The following SYNGR1 variants were observed in gnomAD, a reference collection of about 807,000 sequenced individuals.
The protein encoded by SYNGR1 is synaptogyrin 1, also known as synaptogyrin-1.
In SYNGR1, 14 loss-of-function variants were observed where a neutral mutation model predicts 26.1. That is an observed-to-expected ratio of 0.54 (90% confidence interval 0.35 to 0.84). SYNGR1 has a LOEUF of 0.84. Among genes scored for constraint, SYNGR1 ranks in the 40% least tolerant of loss-of-function variants. The probability of loss-of-function intolerance (pLI) is 0.01; values close to 1 mark genes in which losing one functional copy is unlikely to be tolerated. For synonymous variants in SYNGR1, 141 were observed against 150.1 expected (o/e 0.94, Z 0.44); for missense variants, 319 against 332.9 (o/e 0.96, Z 0.33).
chr22:39,368,829 A>T (rs1278798105), intron 1 of SYNGR1, among the ~76,000 whole-genome samples: 1 of 152,198 alleles, frequency 6.6e-6, no homozygotes, highest in South Asian at 2.1e-4. Context: ...TGTGTCTGTT[A>T]GTAAGTGTTC....
rs181114283 is a variant in SYNGR1, at chr22:39,376,752, G to A, written c.483+555G>A. ...CGTGAGCAGGCCGGGTGACACATGC[G>A]TGCCTATCCTAAGTCCTAAGAGGGT... On this transcript the variant is annotated intron_variant, in intron 3 of 3. Transcript: ENST00000328933. 4.0e-3 allele frequency among the ~76,000 whole-genome samples: 601 copies of A among 151,292 alleles called. 5 individuals carry two copies. Among genetic ancestry groups the A allele is most frequent in the African/African-American group, 0.014 (570 of 40,524 alleles).
rs1233839822 is a variant in SYNGR1, at chr22:39,382,294, C to T, written c.*380C>T. On this transcript the variant is annotated 3_prime_UTR_variant, in exon 4 of 4. Coordinates refer to ENST00000328933, the MANE Select transcript of SYNGR1 (RefSeq NM_004711.5). Reference sequence around the variant, plus strand: ...GCTGTGGAGGAAGCCCTGGTGGTACCAGAGGCCAGAATGGTGGGAAAGACA... The same window carrying T: ...GCTGTGGAGGAAGCCCTGGTGGTACTAGAGGCCAGAATGGTGGGAAAGACA... 1 of 348,812 alleles carries T rather than the reference C, an allele frequency of 2.9e-6. No individual in the cohort carries two copies. Among genetic ancestry groups the T allele is most frequent in the African/African-American group, 2.1e-5 (1 of 47,954 alleles). The allele number at this position is 348,812 out of a possible 1,614,324, so 21.6% of individuals were successfully genotyped here.
intron 1 of SYNGR1, among the ~76,000 whole-genome samples, chr22:39,371,892 T>C (rs1925038849): frequency 6.6e-6 from 1 of 152,200 alleles, no homozygotes; most frequent in South Asian, 2.1e-4. Context: ...CTTAACTGTC[T>C]TATCTGCAAA....
intron 1 of SYNGR1, among the ~76,000 whole-genome samples, chr22:39,358,495 C>T (rs1924288963): frequency 2.0e-5 from 3 of 152,190 alleles, no homozygotes; most frequent in Admixed American, 2.0e-4. Context: ...TAACACTCAC[C>T]GCGAAGGTCT....
intron 3 of SYNGR1, chr22:39,380,150 A>G (rs1230160666): frequency 7.3e-6 from 1 of 137,828 alleles, no homozygotes; most frequent in Non-Finnish European, 1.5e-5. Flanking sequence ...GTCTTTCCCA[A>G]TCTGAGATCT....
intron 3 of SYNGR1, among the ~76,000 whole-genome samples, chr22:39,376,787 C>T (rs5995721): frequency 0.044 from 6,682 of 152,298 alleles, 492 homozygotes; most frequent in African/African-American, 0.15. Flanking sequence ...TACCTCTGCT[C>T]GGCTGCCAAG....
chr22:39,371,212 G>A (rs998155278), intron 1 of SYNGR1, among the ~76,000 whole-genome samples: 1 of 151,722 alleles, frequency 6.6e-6, no homozygotes, highest in African/African-American at 2.4e-5. Flanking sequence ...CGTGGTGGCT[G>A]ACTCCTATAA....
Position 39,383,703 on chromosome 22 carries a change from T to C in SYNGR1, c.*1789T>C, listed in dbSNP as rs1440233446. 1.3e-5 allele frequency: 2 copies of C among 152,348 alleles called. No individual in the cohort carries two copies. The highest frequency in any genetic ancestry group is 2.9e-5 in the Non-Finnish European group (2 of 68,100). The allele number at this position is 152,348 out of a possible 1,614,324, so 9.4% of individuals were successfully genotyped here. On this transcript the variant is annotated 3_prime_UTR_variant, in exon 4 of 4. Transcript: ENST00000328933. ...CTCAGCAGTTACCCGGCCCCTGTGCTGGAGATACCAAGGGCATGGGTGGTC... is the reference window on the plus strand; with the variant it reads ...CTCAGCAGTTACCCGGCCCCTGTGCCGGAGATACCAAGGGCATGGGTGGTC...
In SYNGR1 at chr22:39,385,117, C is replaced by T. The variant is rs1925618931; in HGVS notation, c.*3203C>T. 1 of 397,778 alleles carries T rather than the reference C, an allele frequency of 2.5e-6. No individual in the cohort carries two copies. Among genetic ancestry groups the T allele is most frequent in the African/African-American group, 2.1e-5 (1 of 48,604 alleles). 24.6% of individuals were successfully genotyped at this position (397,778 alleles called of 1,614,324 possible). ...CCCTGCCTGTTAGCCCTGGGAGACC[C>T]CTAACCTTGGCCCAAGACCCCTTTG... is the stretch of plus-strand genomic sequence containing the variant. On this transcript the variant is annotated 3_prime_UTR_variant, in exon 4 of 4. Transcript: ENST00000328933.
At chr22:39,376,347 T>G in intron 3 of SYNGR1, 150 bp downstream of exon 3, 3 of 1,354,550 alleles carry the variant, frequency 2.2e-6, no homozygotes, top group Non-Finnish European at 3.1e-6. Context: ...TCTGCGGCGC[T>G]CACAGTGGTG....
intron 1 of SYNGR1, among the ~76,000 whole-genome samples, chr22:39,352,376 G>A (rs767367450): frequency 6.6e-6 from 1 of 152,160 alleles, no homozygotes; most frequent in African/African-American, 2.4e-5. Flanking sequence ...CCAATTATTG[G>A]AAAGTATAAA....
In SYNGR1 at chr22:39,350,376, C is replaced by T. The variant is rs912765211; in HGVS notation, c.99+267C>T. 6.6e-6 allele frequency among the ~76,000 whole-genome samples: 1 copy of T among 152,180 alleles called. No homozygotes were observed. Among genetic ancestry groups the T allele is most frequent in the South Asian group, 2.1e-4 (1 of 4,834 alleles). ...CTGGGGCCCCCGGTTCGTGCGCCCCCCTTCCCGCCCCGATTGCTGTGACCT... is the reference window on the plus strand; with the variant it reads ...CTGGGGCCCCCGGTTCGTGCGCCCCTCTTCCCGCCCCGATTGCTGTGACCT... On this transcript the variant is annotated intron_variant, in intron 1 of 3. Transcript: ENST00000328933. This position sits in a 1 kb window ranked among gnomAD's most constrained non-coding sequence, Gnocchi z 4.3.
At chr22:39,378,487 T>G in intron 3 of SYNGR1, 2 of 984,986 alleles carry the variant, frequency 2.0e-6, no homozygotes, top group Non-Finnish European at 2.4e-6. Context: ...CCAAAGGATT[T>G]TGGTCTCTGG....
At chr22:39,357,311 G>A (rs952030424) in intron 1 of SYNGR1, among the ~76,000 whole-genome samples, 21 of 152,140 alleles carry the variant, frequency 1.4e-4, no homozygotes, top group African/African-American at 2.4e-5. Context: ...ATGCTTTGTA[G>A]GAGCCTGCAG....
At chr22:39,372,759 G>A (rs1925087880) in intron 1 of SYNGR1, among the ~76,000 whole-genome samples, 1 of 151,890 alleles carries the variant, frequency 6.6e-6, no homozygotes, top group Non-Finnish European at 1.5e-5. Context: ...GTGAGCCACT[G>A]TGCCTGGCCT....
At chr22:39,373,596 C>T (rs987939362) in intron 1 of SYNGR1, among the ~76,000 whole-genome samples, 1 of 152,174 alleles carries the variant, frequency 6.6e-6, no homozygotes, top group African/African-American at 2.4e-5. Flanking sequence ...GATCCTCCCC[C>T]TCATCTTCCC....
chr22:39,375,683 G>A (rs543500744), intron 2 of SYNGR1: 55 of 577,524 alleles, frequency 9.5e-5, no homozygotes, highest in South Asian at 8.8e-4. Context: ...CCACGTCAGC[G>A]GTGTGGCTGG....
At chr22:39,353,071 A>C (rs1923985334) in intron 1 of SYNGR1, among the ~76,000 whole-genome samples, 1 of 152,340 alleles carries the variant, frequency 6.6e-6, no homozygotes, top group Middle Eastern at 3.4e-3. Flanking sequence ...CATGTTAGCC[A>C]GGCTGGTCTC....
chr22:39,371,118 T>A (rs1429448007), intron 1 of SYNGR1, among the ~76,000 whole-genome samples: 1 of 152,192 alleles, frequency 6.6e-6, no homozygotes, highest in Non-Finnish European at 1.5e-5. Flanking sequence ...CACATACCTG[T>A]CCTGGAATCA....
Sources: allele counts gnomAD v4.1 joint callset (sites outside exome capture counted in the v4.1 genomes callset), GRCh38; gene constraint gnomAD v4.1.1; non-coding constraint Gnocchi (gnomAD v3.1); transcripts MANE v1.5; gene names NCBI Gene and HGNC (gene_info 2026-07-23, HGNC 2026-07-21).